The following MBTD1 variants were observed in gnomAD, a reference collection of about 807,000 sequenced individuals.
MBTD1 encodes mbt domain containing 1.
A neutral mutation model predicts 87.8 loss-of-function variants in MBTD1; 24 were observed. The ratio of observed to expected loss-of-function variants is 0.27; its 90% CI spans 0.20 to 0.38. The LOEUF (loss-of-function observed/expected upper bound fraction) is 0.38. MBTD1 is among the 10% of genes least tolerant of loss of function. MBTD1 has a pLI of 1.00. For missense variants in MBTD1, 436 were observed against 760.2 expected, an observed-to-expected ratio of 0.57 and a Z score of 5.02; for synonymous variants, 237 against 248.6, an observed-to-expected ratio of 0.95 and a Z score of 0.44.
At chr17:51,192,066 C>A in intron 16 of MBTD1, 137 bp downstream of exon 16, 3 of 681,130 alleles carry the variant, frequency 4.4e-6, no homozygotes, top group Non-Finnish European at 7.7e-6. Flanking sequence ...CCTTTTATGG[C>A]ATACTGCACC....
At chr17:51,185,614 A>G (rs2050500671) in intron 16 of MBTD1, 1 of 152,252 alleles carries the variant, frequency 6.6e-6, no homozygotes, top group South Asian at 2.1e-4. Context: ...CCTTTCCATG[A>G]ATGAGATACT....
At position 51,179,494 on chromosome 17, in the gene MBTD1, A is replaced by ATATATATATATTTATATT. The variant is rs2050211952; in HGVS notation, c.*1081_*1082insAATATAAATATATATATA. The ATATATATATATTTATATT allele has an allele frequency of 1.9e-4, 8 of 41,458 alleles. No homozygotes were observed. The highest frequency in any genetic ancestry group is 2.7e-4 in the Admixed American group (1 of 3,650). 2.6% of individuals were successfully genotyped at this position (41,458 alleles called of 1,614,324 possible). ...CAATTAAAGACAATTTTATATATATATATATATATATATATATATATATAT... is the reference window on the plus strand; with the variant it reads ...CAATTAAAGACAATTTTATATATATATATATATATATTTATATTTATATATATATATATATATATATAT... On this transcript the variant is annotated 3_prime_UTR_variant, in exon 17 of 17. Coordinates refer to ENST00000586178, the MANE Select transcript of MBTD1 (RefSeq NM_017643.3).
At chr17:51,223,865 A>G (rs1452470941) in intron 3 of MBTD1, among the ~76,000 whole-genome samples, 1 of 152,180 alleles carries the variant, frequency 6.6e-6, no homozygotes, top group African/African-American at 2.4e-5. Flanking sequence ...TAAGACTGAA[A>G]GTTAGTAAGA....
chr17:51,259,890 C>A lies in MBTD1; in HGVS notation c.-168G>T. 1 of 1,231,948 alleles carries A rather than the reference C, an allele frequency of 8.1e-7. No individual in the cohort carries two copies. 76.3% of individuals were successfully genotyped at this position (1,231,948 alleles called of 1,614,324 possible). A position where few individuals can be genotyped will look rare whatever the true frequency, so the allele number is the denominator to read the frequency against. ...ATGGGTAGGGGTTGTCCGTGCTCCC[C>A]GAGCCCGCGGCGCCCCCTCCCCGGG... On this transcript the variant is annotated 5_prime_UTR_variant, in exon 1 of 17. Coordinates refer to ENST00000586178, the MANE Select transcript of MBTD1 (RefSeq NM_017643.3).
chr17:51,222,315 C>T (rs1217707732), intron 3 of MBTD1, among the ~76,000 whole-genome samples: 1 of 152,206 alleles, frequency 6.6e-6, no homozygotes, highest in African/African-American at 2.4e-5. Flanking sequence ...CTAACAGGAG[C>T]TAACACATTT....
rs1312478092 is a variant in MBTD1 at position 51,178,840 on chromosome 17, A to G, written c.*1736T>C. The G allele has an allele frequency of 6.6e-6, 1 of 152,202 alleles. No individual in the cohort carries two copies. The highest frequency in any genetic ancestry group is 2.1e-4 in the South Asian group (1 of 4,830). 9.4% of individuals were successfully genotyped at this position (152,202 alleles called of 1,614,324 possible). A position where few individuals can be genotyped will look rare whatever the true frequency, so the allele number is the denominator to read the frequency against. ...GCCCCTAAAGAGTCAGTATTAAGAA[A>G]TGGTGACATGCGATTCCATACATTC... On this transcript the variant is annotated 3_prime_UTR_variant, in exon 17 of 17. Transcript: ENST00000586178.
upstream of MBTD1, chr17:51,260,726 C>T (rs1023703555): frequency 1.3e-6 from 2 of 1,592,088 alleles, no homozygotes; most frequent in Non-Finnish European, 8.5e-7. Context: ...TTCATCCCAG[C>T]GGAAACCGCC....
chr17:51,257,723 G>C (rs1318321168), intron 2 of MBTD1, among the ~76,000 whole-genome samples: 2 of 152,044 alleles, frequency 1.3e-5, no homozygotes, highest in Non-Finnish European at 2.9e-5. Context: ...AAAAAACTTG[G>C]AACTCCTTAT....
chr17:51,212,873 C>T (rs1459655610), intron 6 of MBTD1, among the ~76,000 whole-genome samples: 2 of 151,988 alleles, frequency 1.3e-5, no homozygotes, highest in Non-Finnish European at 2.9e-5. Context: ...TCTCCTGCCT[C>T]AGCCTCCCAA....
intron 1 of MBTD1, among the ~76,000 whole-genome samples, chr17:51,259,609 G>C (rs2055337299): frequency 6.6e-6 from 1 of 151,508 alleles, no homozygotes; most frequent in East Asian, 2.0e-4. Context: ...GGGTGGAGGA[G>C]ATGGAGAGAA....
intron 2 of MBTD1, chr17:51,250,682 A>C (rs2054728085): frequency 1.3e-5 from 2 of 152,332 alleles, no homozygotes; most frequent in South Asian, 4.1e-4. Context: ...TTTACTAGGA[A>C]ATATCTTTGA....
intron 5 of MBTD1, among the ~76,000 whole-genome samples, chr17:51,217,930 G>A (rs534309293): frequency 6.6e-6 from 1 of 152,210 alleles, no homozygotes; most frequent in East Asian, 1.9e-4. Flanking sequence ...CATGACACAT[G>A]CTCCTGAGGA....
At position 51,178,409 on chromosome 17, in the gene MBTD1, T is replaced by G. The variant is rs569651663; in HGVS notation, c.*2167A>C. On this transcript the variant is annotated 3_prime_UTR_variant, in exon 17 of 17. Transcript: ENST00000586178. ...CTGGGTTTGCTATAGAATTGGAAGC[T>G]TATGAAACCTGGGTATAAATGAGCA... The G allele has an allele frequency of 1.5e-4, 23 of 152,298 alleles. No homozygotes were observed. The highest frequency in any genetic ancestry group is 5.3e-4 in the African/African-American group (22 of 41,562). 9.4% of individuals were successfully genotyped at this position (152,298 alleles called of 1,614,324 possible).
intron 2 of MBTD1, among the ~76,000 whole-genome samples, chr17:51,233,856 A>G (rs2053674528): frequency 1.3e-5 from 2 of 152,168 alleles, no homozygotes; most frequent in South Asian, 4.1e-4. Context: ...AGGGAATCAA[A>G]ATATCAGTGG....
At chr17:51,256,873 A>G (rs1009273192) in intron 2 of MBTD1, 5 of 152,228 alleles carry the variant, frequency 3.3e-5, no homozygotes, top group African/African-American at 7.2e-5. Flanking sequence ...AACAAGGGCC[A>G]TGGAGCTACT....
At chr17:51,239,078 C>T (rs1364664868) in intron 2 of MBTD1, among the ~76,000 whole-genome samples, 2 of 145,308 alleles carry the variant, frequency 1.4e-5, no homozygotes, top group African/African-American at 2.6e-5. Flanking sequence ...CCAGCTTGGG[C>T]GACCAAGCGA....
At chr17:51,199,629 A>ATGGG (rs895379714) in intron 12 of MBTD1, among the ~76,000 whole-genome samples, 1 of 147,836 alleles carries the variant, frequency 6.8e-6, no homozygotes, top group African/African-American at 2.5e-5. Flanking sequence ...TTTAGTAAAG[A>ATGGG]TGGGGTCTCA....
rs1568138378 is a variant in MBTD1, at chr17:51,180,700, TG to T, written c.1769-7del. On this transcript the variant is annotated splice_region_variant and splice_polypyrimidine_tract_variant and intron_variant, in intron 16 of 16. Coordinates refer to ENST00000586178, the MANE Select transcript of MBTD1 (RefSeq NM_017643.3). ...CTTCAGCTGCAGTGTTGTCACTGAA[TG>T]AAAGAGAGAGAAACATATGGGCATT... The T allele has an allele frequency of 2.0e-5, 29 of 1,464,186 alleles. No individual in the cohort carries two copies. Among genetic ancestry groups the T allele is most frequent in the Non-Finnish European group, 2.4e-5 (26 of 1,067,374 alleles). 90.7% of individuals were successfully genotyped at this position (1,464,186 alleles called of 1,614,324 possible). A position where few individuals can be genotyped will look rare whatever the true frequency, so the allele number is the denominator to read the frequency against.
chr17:51,224,116 TTTGG>T (rs2053075941), intron 3 of MBTD1, among the ~76,000 whole-genome samples: 1 of 152,216 alleles, frequency 6.6e-6, no homozygotes, highest in African/African-American at 2.4e-5. Context: ...TGACCATTTG[TTTGG>T]TTCCCACATT....
Sources: gnomAD v4.1 joint callset for allele counts (sites outside exome capture counted in the v4.1 genomes callset) on GRCh38, gnomAD v4.1.1 for gene constraint, MANE v1.5 for transcripts, NCBI Gene and HGNC (gene_info 2026-07-23, HGNC 2026-07-21) for gene names.